The following ASNSD1 variants were observed in gnomAD, a reference collection of about 807,000 sequenced individuals.
ASNSD1 encodes asparagine synthetase domain containing 1, also known as asparagine synthetase domain-containing protein 1.
A neutral mutation model predicts 48.3 loss-of-function variants in ASNSD1; 36 were observed. The observed-to-expected ratio is 0.75, with a 90% CI of 0.57 to 0.99. ASNSD1 has a LOEUF of 0.99. Among genes scored for constraint, ASNSD1 ranks in the 50% least tolerant of loss-of-function variants. The probability of loss-of-function intolerance (pLI) is 0.00; values close to 1 mark genes in which losing one functional copy is unlikely to be tolerated. For synonymous variants in ASNSD1, 257 were observed against 262.1 expected (o/e 0.98, Z 0.19); for missense variants, 714 against 758.2 (o/e 0.94, Z 0.69).
Position 189,666,291 on chromosome 2 carries a change from C to T in ASNSD1, c.159C>T (p.Val53=). The change falls in exon 4 of 6, where the codon GTC becomes GTT. Residue 53 remains valine (V), a synonymous_variant. Coordinates refer to ENST00000260952, the MANE Select transcript of ASNSD1 (RefSeq NM_019048.4). ...VNYQCLFSAH[V]LHLRGVLTTQ... is the part of the protein sequence containing the mutation. ...ACCAGTGTTTATTTTCTGCTCACGTCCTACACTTGAGGGGTGTTTTGACTA... is the reference window on the plus strand; with the variant it reads ...ACCAGTGTTTATTTTCTGCTCACGTTCTACACTTGAGGGGTGTTTTGACTA... 1 of 1,614,068 alleles carries T rather than the reference C, an allele frequency of 6.2e-7. No homozygotes were observed. Among genetic ancestry groups the T allele is most frequent in the Non-Finnish European group, 8.5e-7 (1 of 1,179,988 alleles).
At chr2:189,669,676 G>A (rs2032889041) in intron 5 of ASNSD1, among the ~76,000 whole-genome samples, 1 of 152,210 alleles carries the variant, frequency 6.6e-6, no homozygotes. Context: ...ATTTTGAGAT[G>A]TGGGATGGTG....
chr2:189,663,520 T>TG (rs1328082303), intron 1 of ASNSD1, among the ~76,000 whole-genome samples: 1 of 152,224 alleles, frequency 6.6e-6, no homozygotes, highest in East Asian at 1.9e-4. Flanking sequence ...CCCGAAGTGC[T>TG]GGGATTACAG....
In ASNSD1 at chr2:189,667,860, G is replaced by A. The variant is rs1394807591; in HGVS notation, c.1561G>A (p.Glu521Lys). 1.2e-6 allele frequency: 2 copies of A among 1,614,150 alleles called. No individual in the cohort carries two copies. Among genetic ancestry groups the A allele is most frequent in the Middle Eastern group, 1.6e-4 (1 of 6,062 alleles). The change falls in exon 5 of 6, where the codon GAA (glutamate) becomes AAA (lysine). Residue 521 changes from glutamate to lysine, a missense_variant. By Grantham distance (56) the Glu-to-Lys change is moderately conservative. Coordinates refer to ENST00000260952, the MANE Select transcript of ASNSD1 (RefSeq NM_019048.4). Reference sequence around the variant, plus strand: ...GCATGGGCTGGAAGGATTGAATAAGGAAATAATGATGGAACTGGGTCGAAT... The same window carrying A: ...GCATGGGCTGGAAGGATTGAATAAGAAAATAATGATGGAACTGGGTCGAAT... ...QSHGLEGLNK[E>K]IMMELGRISS...
chr2:189,665,478 T>C (rs1446457594), intron 3 of ASNSD1, 27 bp downstream of exon 3: 13 of 396,006 alleles, frequency 3.3e-5, no homozygotes, highest in Non-Finnish European at 4.4e-5. Flanking sequence ...TTGGGGTTTT[T>C]GGGGGGTGCC....
intron 5 of ASNSD1, 54 bp from the exon 6 acceptor site, chr2:189,670,387 C>G: frequency 1.3e-5 from 19 of 1,460,032 alleles, no homozygotes; most frequent in Non-Finnish European, 1.8e-5. Flanking sequence ...GTGTATAAAT[C>G]AAAGCAGGTT....
chr2:189,668,049 A>G, intron 5 of ASNSD1, 104 bp downstream of exon 5: 1 of 1,101,918 alleles, frequency 9.1e-7, no homozygotes, highest in Non-Finnish European at 1.3e-6. Context: ...GTTCACATGA[A>G]TAAGAGCAGC....
At chr2:189,665,533 A>G in intron 3 of ASNSD1, 82 bp downstream of exon 3, 1 of 360,034 alleles carries the variant, frequency 2.8e-6, no homozygotes, top group Non-Finnish European at 4.9e-6. Context: ...CTAAAGATTA[A>G]TGCAGCAGTT....
At position 189,663,245 on chromosome 2, in the gene ASNSD1, TA is replaced by T. The variant is rs935306273; in HGVS notation, c.-222-653del. 2.1e-4 allele frequency among the ~76,000 whole-genome samples: 28 copies of T among 132,196 alleles called. No individual in the cohort carries two copies. In the East Asian group the frequency reaches 2.1e-3, roughly 10 times the overall value. The allele number at this position is 132,196 out of a possible 152,430, so 86.7% of individuals were successfully genotyped here. On this transcript the variant is annotated intron_variant, in intron 1 of 5. Transcript: ENST00000260952. The stretch of plus-strand genomic sequence containing the variant: ...GTGTATATCATATATATATATTTTT[TA>T]AATTATTTATTTATTTATTTTTTTG...
At chr2:189,667,729 T>A in intron 4 of ASNSD1, 35 bp from the exon 5 acceptor site, 2 of 1,574,954 alleles carry the variant, frequency 1.3e-6, no homozygotes, top group East Asian at 4.5e-5. Flanking sequence ...GTGTAGTTGA[T>A]AACATTTTTA....
At chr2:189,670,355 G>T in intron 5 of ASNSD1, 86 bp from the exon 6 acceptor site, 2 of 1,151,018 alleles carry the variant, frequency 1.7e-6, no homozygotes, top group South Asian at 1.6e-5. Flanking sequence ...AAACAATTTG[G>T]TTAAATTTTA....
chr2:189,665,604 A>ATATATATATATATATATATG (rs2032774389), intron 3 of ASNSD1, among the ~76,000 whole-genome samples, 153 bp downstream of exon 3: 1 of 8,234 alleles, frequency 1.2e-4, no homozygotes, highest in African/African-American at 3.1e-4. Flanking sequence ...ATGTGTATAT[A>ATATATATATATATATATATG]TATATATATA....
chr2:189,663,556 T>C (rs12987693), intron 1 of ASNSD1, among the ~76,000 whole-genome samples: 1 of 152,164 alleles, frequency 6.6e-6, no homozygotes, highest in South Asian at 2.1e-4. Flanking sequence ...CCCGGCCTGG[T>C]GTATATCATA....
intron 2 of ASNSD1, among the ~76,000 whole-genome samples, chr2:189,664,226 A>C (rs2032735780): frequency 6.6e-6 from 1 of 152,174 alleles, no homozygotes; most frequent in South Asian, 2.1e-4. Flanking sequence ...TATAATCACT[A>C]ATGATGTTTT....
At chr2:189,663,039 C>G (rs1377739667) in intron 1 of ASNSD1, among the ~76,000 whole-genome samples, 8 of 149,736 alleles carry the variant, frequency 5.3e-5, no homozygotes, top group Non-Finnish European at 1.5e-5. Flanking sequence ...CAAGATGGAA[C>G]ATGATAGGTC....
intron 3 of ASNSD1, 102 bp downstream of exon 3, chr2:189,665,553 T>A: frequency 6.4e-6 from 2 of 313,840 alleles, no homozygotes; most frequent in Non-Finnish European, 1.1e-5. Context: ...TTGATTTTCT[T>A]CAAATTAGGC....
At chr2:189,669,828 C>G (rs1339327456) in intron 5 of ASNSD1, among the ~76,000 whole-genome samples, 4 of 151,888 alleles carry the variant, frequency 2.6e-5, no homozygotes, top group Non-Finnish European at 5.9e-5. Context: ...ATATTTTGTT[C>G]TGTTACAGTA....
At position 189,665,997 on chromosome 2, in the gene ASNSD1, G is replaced by T. The variant is rs2032792446; in HGVS notation, c.-92-44G>T. On this transcript the variant is annotated intron_variant, in intron 3 of 5. Coordinates refer to ENST00000260952, the MANE Select transcript of ASNSD1 (RefSeq NM_019048.4). Reference sequence around the variant, plus strand: ...TCTGAATTGCTAGGTAAAAGTCCAAGAATTTTTATGTTATTTAATATTTAT... The same window carrying T: ...TCTGAATTGCTAGGTAAAAGTCCAATAATTTTTATGTTATTTAATATTTAT... 3.8e-6 allele frequency: 4 copies of T among 1,042,524 alleles called. No homozygotes were observed. The South Asian group carries it at 8.6e-5, about 22-fold the overall frequency. 64.6% of individuals were successfully genotyped at this position (1,042,524 alleles called of 1,614,324 possible).
intron 2 of ASNSD1, 137 bp downstream of exon 2, chr2:189,664,091 G>A: frequency 3.0e-6 from 1 of 327,902 alleles, no homozygotes; most frequent in Non-Finnish European, 5.5e-6. Context: ...TTTTAAAATT[G>A]CAAGTGTCTA....
intron 1 of ASNSD1, among the ~76,000 whole-genome samples, chr2:189,663,273 G>C (rs2032712009): frequency 1.3e-5 from 2 of 150,544 alleles, no homozygotes; most frequent in South Asian, 4.2e-4. Context: ...ATTTTTTTGA[G>C]ACGGAGTTTC....
Sources: gnomAD v4.1 joint callset for allele counts (sites outside exome capture counted in the v4.1 genomes callset) on GRCh38, gnomAD v4.1.1 for gene constraint, MANE v1.5 for transcripts, NCBI Gene and HGNC (gene_info 2026-07-23, HGNC 2026-07-21) for gene names.